MYH8: variants seen among roughly 807,000 people sequenced by gnomAD.
The protein encoded by MYH8 is myosin-8.
Under a neutral mutation model 233.2 loss-of-function variants are expected in MYH8, and 168 were observed. The ratio of observed to expected loss-of-function variants is 0.72; its 90% CI spans 0.64 to 0.82. The LOEUF (loss-of-function observed/expected upper bound fraction) is 0.82. Among genes scored for constraint, MYH8 ranks in the 40% least tolerant of loss-of-function variants. MYH8 has a pLI of 0.00. For synonymous variants in MYH8, 785 were observed against 850.6 expected (o/e 0.92, Z 1.34); for missense variants, 1,995 against 2,327.8 (o/e 0.86, Z 2.94).
rs1457567748 is a variant in MYH8, at chr17:10,390,487, G to T, written c.5781C>A (p.Ser1927Arg). The T allele has an allele frequency of 6.2e-7, 1 of 1,614,000 alleles. No individual in the cohort carries two copies. Among genetic ancestry groups the T allele is most frequent in the African/African-American group, 1.3e-5 (1 of 75,048 alleles). ...CACTGATTTTTGTGTGAACCTCTCG[G>T]CTCTTCACTCGCAATTTGTTGACCT... ...ESQVNKLRVKSREVHTKISAE is the reference protein window; with the variant it reads ...ESQVNKLRVKRREVHTKISAE Residue 1927 changes from serine to arginine, a missense_variant, in exon 40 of 40, where the codon AGC becomes AGA. This residue lies in a region of MYH8 where 1,498 missense variants were observed against 1,680.9 expected (regional missense o/e 0.89). Coordinates refer to ENST00000403437, the MANE Select transcript of MYH8 (RefSeq NM_002472.3).
In MYH8 at chr17:10,400,481, C is replaced by T. The variant is rs2072127552; in HGVS notation, c.3644G>A (p.Arg1215Gln). ...ELGEQIDNLQ[R>Q]VKQKLEKEKS... The stretch of plus-strand genomic sequence containing the variant: ...CTCCTTCTCCAGCTTCTGTTTGACC[C>T]GCTGCAAGTTGTCAATCTGCTCCCC... The change falls in exon 27 of 40, where the codon CGG (arginine) becomes CAG (glutamine). Residue 1215 changes from arginine (R) to glutamine (Q), a missense_variant. Around this residue, in one of 3 missense-constraint regions of MYH8, gnomAD observed 1,498 missense variants for 1,680.9 expected, o/e 0.89. Transcript: ENST00000403437. This position sits in a 1 kb window ranked among gnomAD's most constrained non-coding sequence, Gnocchi z 4.0. 6.2e-7 allele frequency: 1 copy of T among 1,614,110 alleles called. No homozygotes were observed. Among genetic ancestry groups the T allele is most frequent in the Non-Finnish European group, 8.5e-7 (1 of 1,180,006 alleles).
In MYH8 at chr17:10,415,639, A is replaced by G. The variant is rs2072283616; in HGVS notation, c.539+42T>C. The G allele has an allele frequency of 3.1e-6, 5 of 1,612,958 alleles. No homozygotes were observed. The highest frequency in any genetic ancestry group is 1.7e-5 in the Admixed American group (1 of 60,002). On this transcript the variant is annotated intron_variant, in intron 6 of 39. Transcript: ENST00000403437. This position sits in a 1 kb window ranked among gnomAD's most constrained non-coding sequence, Gnocchi z 4.1. ...ACTATGGCCTGCATTGTCAACATCT[A>G]AGACAATCCTTGCAAATCAGAGAAG...
Position 10,419,150 on chromosome 17 carries a change from C to T in MYH8, c.211-120G>A, listed in dbSNP as rs1242852676. On this transcript the variant is annotated intron_variant, in intron 3 of 39. Coordinates refer to ENST00000403437, the MANE Select transcript of MYH8 (RefSeq NM_002472.3). The surrounding 1 kb of genome is among the most constrained non-coding windows in gnomAD (Gnocchi z 4.0). ...TCAGCTCACTGCAACCTCCGCCCTCCTGCTTCAAGTGATTGTCCTGCCTCA... is the reference window on the plus strand; with the variant it reads ...TCAGCTCACTGCAACCTCCGCCCTCTTGCTTCAAGTGATTGTCCTGCCTCA... The T allele has an allele frequency of 1.7e-6, 2 of 1,176,956 alleles. No homozygotes were observed. Among genetic ancestry groups the T allele is most frequent in the Non-Finnish European group, 2.5e-6 (2 of 807,706 alleles). 72.9% of individuals were successfully genotyped at this position (1,176,956 alleles called of 1,614,324 possible).
Position 10,400,375 on chromosome 17 carries a change from G to A in MYH8, c.3735+15C>T. ...TTACAGATGATTACCTTCATTTAGA[G>A]ACAGTATTGGGTACCTTGGCTTTGG... On this transcript the variant is annotated intron_variant, in intron 27 of 39. Coordinates refer to ENST00000403437, the MANE Select transcript of MYH8 (RefSeq NM_002472.3). This position sits in a 1 kb window ranked among gnomAD's most constrained non-coding sequence, Gnocchi z 4.0. 1 of 1,610,838 alleles carries A rather than the reference G, an allele frequency of 6.2e-7. No homozygotes were observed. Among genetic ancestry groups the A allele is most frequent in the Non-Finnish European group, 8.5e-7 (1 of 1,179,826 alleles).
chr17:10,421,268 T>A (rs1376129602), intron 2 of MYH8, among the ~76,000 whole-genome samples: 2 of 152,206 alleles, frequency 1.3e-5, no homozygotes, highest in Non-Finnish European at 2.9e-5. Context: ...CAAAGGTAGC[T>A]AAAATATTTA....
chr17:10,408,453 G>A (rs1223685673), intron 17 of MYH8, among the ~76,000 whole-genome samples: 8 of 152,142 alleles, frequency 5.3e-5, no homozygotes, highest in African/African-American at 1.9e-4. Flanking sequence ...CTGTATTTTA[G>A]TTTTATAAGG....
chr17:10,394,122 G>C (rs1005235708), intron 35 of MYH8, 127 bp downstream of exon 35: 9 of 1,286,212 alleles, frequency 7.0e-6, no homozygotes, highest in Non-Finnish European at 9.8e-6. Flanking sequence ...ATAGCAATGA[G>C]TATTTTTGAG....
chr17:10,396,893 G>C lies in MYH8; in HGVS notation c.4272C>G (p.Leu1424=). 1 of 1,614,116 alleles carries C rather than the reference G, an allele frequency of 6.2e-7. No homozygotes were observed. Among genetic ancestry groups the C allele is most frequent in the East Asian group, 2.2e-5 (1 of 44,880 alleles). The part of the protein sequence containing the change: ...CASLEKTKQR[L]QNEVEDLMLD... Reference sequence around the variant, plus strand: ...GCATGAGGTCTTCAACTTCATTCTGGAGCCGCTGCTTCGTCTTCTCAAGGG... The same window carrying C: ...GCATGAGGTCTTCAACTTCATTCTGCAGCCGCTGCTTCGTCTTCTCAAGGG... The change falls in exon 31 of 40, where the codon CTC becomes CTG. Residue 1424 remains leucine, a synonymous_variant. Coordinates refer to ENST00000403437, the MANE Select transcript of MYH8 (RefSeq NM_002472.3). This position sits in a 1 kb window ranked among gnomAD's most constrained non-coding sequence, Gnocchi z 4.2.
At chr17:10,412,763 G>A (rs778769741) in intron 12 of MYH8, 35 bp from the exon 13 acceptor site, 13 of 1,503,598 alleles carry the variant, frequency 8.6e-6, no homozygotes, top group Non-Finnish European at 1.2e-5. Flanking sequence ...GTTGTTTCAT[G>A]AAGGATATCC....
chr17:10,399,433 C>CAAA, intron 28 of MYH8, 110 bp downstream of exon 28: 1 of 1,581,188 alleles, frequency 6.3e-7, no homozygotes, highest in East Asian at 2.2e-5. Flanking sequence ...TTAGCAAACT[C>CAAA]TGATCATTTG....
intron 22 of MYH8, 70 bp downstream of exon 22, chr17:10,404,260 A>G: frequency 1.9e-6 from 3 of 1,594,116 alleles, no homozygotes; most frequent in Non-Finnish European, 2.6e-6. Flanking sequence ...GATCATTTGT[A>G]AATCCAAAGT....
In MYH8 at chr17:10,412,529, T is replaced by C; in HGVS notation, c.1267-10A>G. ...CCACCGCATTGTACACCTTCACAGA[T>C]AGAGTAATGTTTGTTGGTATTGTTA... On this transcript the variant is annotated splice_polypyrimidine_tract_variant and intron_variant, in intron 13 of 39. Coordinates refer to ENST00000403437, the MANE Select transcript of MYH8 (RefSeq NM_002472.3). The C allele has an allele frequency of 6.2e-7, 1 of 1,614,166 alleles. No homozygotes were observed. Among genetic ancestry groups the C allele is most frequent in the African/African-American group, 1.3e-5 (1 of 75,046 alleles).
intron 21 of MYH8, among the ~76,000 whole-genome samples, chr17:10,405,133 A>C (rs965020068): frequency 3.3e-5 from 5 of 151,990 alleles, no homozygotes; most frequent in Admixed American, 1.3e-4. Flanking sequence ...CACTCTATAA[A>C]CTTTTTTTGC....
Position 10,412,539 on chromosome 17 carries a change from T to C in MYH8, c.1267-20A>G. The C allele has an allele frequency of 6.2e-7, 1 of 1,614,166 alleles. No individual in the cohort carries two copies. The highest frequency in any genetic ancestry group is 8.5e-7 in the Non-Finnish European group (1 of 1,180,030). ...GTACACCTTCACAGATAGAGTAATG[T>C]TTGTTGGTATTGTTAAAGACATGCC... On this transcript the variant is annotated intron_variant, in intron 13 of 39. Coordinates refer to ENST00000403437, the MANE Select transcript of MYH8 (RefSeq NM_002472.3).
rs762855645 is a variant in MYH8, at chr17:10,414,202, A to G, written c.998T>C (p.Met333Thr). 2.5e-6 allele frequency: 4 copies of G among 1,614,086 alleles called. No homozygotes were observed. The South Asian group carries it at 4.4e-5, about 18-fold the overall frequency. ...VPSIDDQEEL[M>T]ATDSAIDILG... ...GTGTTTTTGACTTACATCAGTGGCC[A>G]TCAACTCTTCTTGGTCATCAATACT... Residue 333 changes from methionine (M) to threonine (T), a missense_variant, in exon 11 of 40, where the codon ATG becomes ACG. Transcript: ENST00000403437.
intron 21 of MYH8, 84 bp from the exon 22 acceptor site, chr17:10,404,669 A>C: frequency 6.6e-7 from 1 of 1,518,496 alleles, no homozygotes; most frequent in South Asian, 1.2e-5. Context: ...TTTCCCTTTT[A>C]ATGAATGCCG....
At chr17:10,408,269 G>C (rs1471436553) in intron 17 of MYH8, among the ~76,000 whole-genome samples, 4 of 152,024 alleles carry the variant, frequency 2.6e-5, no homozygotes, top group African/African-American at 9.7e-5. Flanking sequence ...CCACAGCTCA[G>C]TTAACCATTA....
At chr17:10,397,902 C>T (rs1031705643) in intron 30 of MYH8, among the ~76,000 whole-genome samples, 2 of 152,058 alleles carry the variant, frequency 1.3e-5, no homozygotes, top group African/African-American at 4.8e-5. Context: ...TTTTTCCCTC[C>T]TGAATTCTCT....
chr17:10,414,557 T>G, intron 9 of MYH8, 73 bp from the exon 10 acceptor site: 1 of 972,210 alleles, frequency 1.0e-6, no homozygotes, highest in Non-Finnish European at 1.6e-6. Flanking sequence ...ACCTCACGTC[T>G]TTGGTCAAAT....
Sources: gnomAD v4.1 joint callset for allele counts (sites outside exome capture counted in the v4.1 genomes callset) on GRCh38, gnomAD v4.1.1 for gene constraint, gnomAD v4.1.1 regional missense constraint, Gnocchi (gnomAD v3.1) non-coding constraint, MANE v1.5 for transcripts, NCBI Gene and HGNC (gene_info 2026-07-23, HGNC 2026-07-21) for gene names.